Variants in MSI2 observed in about 807,000 individuals in gnomAD.
The protein encoded by MSI2 is musashi RNA binding protein 2.
In MSI2, 17 loss-of-function variants were observed where a neutral mutation model predicts 45.6. The observed-to-expected ratio is 0.37, with a 90% CI of 0.26 to 0.56. MSI2 has a LOEUF of 0.56. Ranked by LOEUF, MSI2 falls within the 20% of genes least tolerant of loss-of-function variation. The pLI is 0.77. For synonymous variants in MSI2, 156 were observed against 158.2 expected (o/e 0.99, Z 0.11); for missense variants, 293 against 444.2 (o/e 0.66, Z 3.06).
intron 5 of MSI2, among the ~76,000 whole-genome samples, chr17:57,327,414 C>A (rs1913890138): frequency 6.6e-6 from 1 of 152,208 alleles, no homozygotes; most frequent in Non-Finnish European, 1.5e-5. Context: ...CAGCAAGGTA[C>A]CTGGAATGAG....
intron 4 of MSI2, among the ~76,000 whole-genome samples, chr17:57,261,870 C>T (rs1176193571): frequency 6.6e-6 from 1 of 152,140 alleles, no homozygotes; most frequent in East Asian, 1.9e-4. Context: ...AAGCCCTTGC[C>T]TAAATAAGAA....
chr17:57,544,953 G>T (rs573944749), intron 7 of MSI2, among the ~76,000 whole-genome samples: 17 of 152,246 alleles, frequency 1.1e-4, no homozygotes, highest in Non-Finnish European at 2.1e-4. Context: ...GATTTACTGT[G>T]CTGTTCTTAT....
chr17:57,342,574 C>T (rs1056225744), intron 5 of MSI2, among the ~76,000 whole-genome samples: 1 of 152,164 alleles, frequency 6.6e-6, no homozygotes, highest in African/African-American at 2.4e-5. Context: ...TTAAAAACTT[C>T]CAGACTGTCC....
rs185842908 is a variant in MSI2, at chr17:57,356,122, G to A, written c.313-45257G>A. Among the ~76,000 whole-genome samples the A allele has an allele frequency of 9.1e-4, 138 of 152,202 alleles. 1 individual carries two copies. The highest frequency in any genetic ancestry group is 3.2e-3 in the African/African-American group (131 of 41,528). On this transcript the variant is annotated intron_variant, in intron 5 of 13. Coordinates refer to ENST00000284073, the MANE Select transcript of MSI2 (RefSeq NM_138962.4). ...ACTCCTGACCTCAGGTGATCTGCCC[G>A]CCTCAGCCTCCCAAAGTGCTGGGAT...
At chr17:57,519,140 G>A (rs1567873460) in intron 6 of MSI2, among the ~76,000 whole-genome samples, 1 of 152,114 alleles carries the variant, frequency 6.6e-6, no homozygotes, top group African/African-American at 2.4e-5. Context: ...GGGCCTCCTG[G>A]GACTGCTCCC....
intron 6 of MSI2, among the ~76,000 whole-genome samples, chr17:57,481,532 T>C (rs181326637): frequency 1.3e-5 from 2 of 152,350 alleles, no homozygotes; most frequent in Admixed American, 1.3e-4. Context: ...TAGGTCTCTT[T>C]GGGAATTTTT....
Position 57,563,191 on chromosome 17 carries a change from A to AT in MSI2, c.454+33475dup, listed in dbSNP as rs201774957. ...ATAGGCTGCATAGTGGTCTAGCAGGATTTTTTTTATATCCGTCACCCGAAC... is the reference window on the plus strand; with the variant it reads ...ATAGGCTGCATAGTGGTCTAGCAGGATTTTTTTTTATATCCGTCACCCGAAC... On this transcript the variant is annotated intron_variant, in intron 7 of 13. Transcript: ENST00000284073. Among the ~76,000 whole-genome samples, 7 of 150,622 alleles carry AT rather than the reference A, an allele frequency of 4.6e-5. No homozygotes were observed. The East Asian group carries it at 5.9e-4, about 13-fold the overall frequency.
At chr17:57,289,485 T>TAA (rs34123893) in intron 5 of MSI2, among the ~76,000 whole-genome samples, 85 of 148,904 alleles carry the variant, frequency 5.7e-4, no homozygotes, top group African/African-American at 1.2e-3. Context: ...ATGAATTCAT[T>TAA]AAAAAAAAAA....
intron 10 of MSI2, among the ~76,000 whole-genome samples, chr17:57,645,386 A>G (rs1459094297): frequency 6.6e-6 from 1 of 151,396 alleles, no homozygotes; most frequent in Non-Finnish European, 1.5e-5. Context: ...ACTTTTTACA[A>G]CCTTGGGCTG....
At chr17:57,639,181 A>G (rs1910059800) in intron 10 of MSI2, among the ~76,000 whole-genome samples, 1 of 152,158 alleles carries the variant, frequency 6.6e-6, no homozygotes. Flanking sequence ...GGATGTCAAC[A>G]TATAAATTTT....
At chr17:57,310,251 G>C (rs1158724397) in intron 5 of MSI2, among the ~76,000 whole-genome samples, 7 of 152,184 alleles carry the variant, frequency 4.6e-5, no homozygotes, top group Non-Finnish European at 7.3e-5. Context: ...CTTCCTAAAG[G>C]CATCGGTGCA....
rs538320179 is a variant in MSI2 at position 57,635,212 on chromosome 17, AGCCATGGTG to A, written c.727+7913_727+7921del. Among the ~76,000 whole-genome samples the A allele has an allele frequency of 3.8e-3, 581 of 152,338 alleles. 4 individuals are homozygous for A. The highest frequency in any genetic ancestry group is 0.013 in the African/African-American group (549 of 41,576). On this transcript the variant is annotated intron_variant, in intron 10 of 13. Coordinates refer to ENST00000284073, the MANE Select transcript of MSI2 (RefSeq NM_138962.4). The stretch of plus-strand genomic sequence containing the variant: ...GGTGGGAGGAGATCTACAAGGCTGG[AGCCATGGTG>A]GCCTCCTGAGTCAAGTTTAGGAAGT...
chr17:57,487,175 A>C (rs1386856373), intron 6 of MSI2, among the ~76,000 whole-genome samples: 1 of 152,128 alleles, frequency 6.6e-6, no homozygotes, highest in Non-Finnish European at 1.5e-5. Flanking sequence ...GAGAGAGAAG[A>C]CCAGTACTGT....
chr17:57,582,381 A>G (rs1326548649), intron 7 of MSI2, among the ~76,000 whole-genome samples: 1 of 152,110 alleles, frequency 6.6e-6, no homozygotes, highest in Non-Finnish European at 1.5e-5. Context: ...ACCTATACAA[A>G]TAGGACTATA....
chr17:57,324,256 C>T (rs951987950), intron 5 of MSI2, among the ~76,000 whole-genome samples: 1 of 152,180 alleles, frequency 6.6e-6, no homozygotes, highest in Non-Finnish European at 1.5e-5. Flanking sequence ...GGCAGCGCCC[C>T]GCCGGAGCCC....
chr17:57,574,279 C>A (rs768512593), intron 7 of MSI2, among the ~76,000 whole-genome samples: 42 of 152,198 alleles, frequency 2.8e-4, no homozygotes, highest in Non-Finnish European at 4.8e-4. Flanking sequence ...GCTTCTCTCT[C>A]GTCACTATTT....
At chr17:57,659,881 A>G (rs1234380151) in intron 11 of MSI2, among the ~76,000 whole-genome samples, 1 of 152,240 alleles carries the variant, frequency 6.6e-6, no homozygotes, top group African/African-American at 2.4e-5. Flanking sequence ...CCTACGGGAC[A>G]TCTGCCATGG....
intron 7 of MSI2, among the ~76,000 whole-genome samples, chr17:57,537,553 A>G (rs563390946): frequency 5.3e-5 from 8 of 152,248 alleles, no homozygotes; most frequent in African/African-American, 9.6e-5. Context: ...GAAAACATGT[A>G]GAGGAGGCCA....
In MSI2 at chr17:57,401,945, G is replaced by A. The variant is rs374172200; in HGVS notation, c.405+474G>A. Among the ~76,000 whole-genome samples, 8 of 152,098 alleles carry A rather than the reference G, an allele frequency of 5.3e-5. No individual in the cohort carries two copies. The South Asian group carries it at 8.3e-4, about 16-fold the overall frequency. The stretch of plus-strand genomic sequence containing the variant: ...CCCTGTCAAATGCCCAAGGAGACTC[G>A]GAAACCATGCGAGGCCTGTACCTGT... On this transcript the variant is annotated intron_variant, in intron 6 of 13. Coordinates refer to ENST00000284073, the MANE Select transcript of MSI2 (RefSeq NM_138962.4).
Sources: gnomAD v4.1 joint callset for allele counts (sites outside exome capture counted in the v4.1 genomes callset) on GRCh38, gnomAD v4.1.1 for gene constraint, MANE v1.5 for transcripts, NCBI Gene and HGNC (gene_info 2026-07-23, HGNC 2026-07-21) for gene names.